TPST1: variants seen among roughly 807,000 people sequenced by gnomAD.
TPST1 encodes the protein tyrosylprotein sulfotransferase 1, also known as protein-tyrosine sulfotransferase 1.
Under a neutral mutation model 34.8 loss-of-function variants are expected in TPST1, and 20 were observed. The observed-to-expected ratio is 0.57, with a 90% CI of 0.40 to 0.84. TPST1 has a LOEUF of 0.84. Among genes scored for constraint, TPST1 ranks in the 40% least tolerant of loss-of-function variants. The pLI, the probability that TPST1 is intolerant of heterozygous loss-of-function variation, is 0.00. For missense variants in TPST1, 353 were observed against 455.5 expected, an observed-to-expected ratio of 0.78 and a Z score of 2.05; for synonymous variants, 152 against 159.4, an observed-to-expected ratio of 0.95 and a Z score of 0.35.
chr7:66,240,661 G>A lies in TPST1; in HGVS notation c.236G>A (p.Arg79Gln), dbSNP rs1790012031. 3 of 1,614,140 alleles carry A rather than the reference G, an allele frequency of 1.9e-6. No individual in the cohort carries two copies. Among genetic ancestry groups the A allele is most frequent in the Non-Finnish European group, 8.5e-7 (1 of 1,180,042 alleles). Residue 79 changes from arginine (R) to glutamine (Q), a missense_variant, in exon 2 of 6, where the codon CGG becomes CAG. Coordinates refer to ENST00000304842, the MANE Select transcript of TPST1 (RefSeq NM_003596.4). ...TTAATATTTATTGGAGGTGTGCCTC[G>A]GAGTGGAACCACACTCATGAGGGCC... ...MPLIFIGGVPRSGTTLMRAML... is the reference protein window; with the variant it reads ...MPLIFIGGVPQSGTTLMRAML...
intron 3 of TPST1, among the ~76,000 whole-genome samples, chr7:66,317,823 AT>A (rs996753462): frequency 3.9e-5 from 6 of 152,034 alleles, no homozygotes; most frequent in African/African-American, 1.5e-4. Flanking sequence ...TCTTACTATT[AT>A]TTTAGACATT....
chr7:66,276,673 T>C (rs1790824404), intron 2 of TPST1, among the ~76,000 whole-genome samples: 1 of 152,128 alleles, frequency 6.6e-6, no homozygotes, highest in South Asian at 2.1e-4. Context: ...AGTTTATTTT[T>C]GTAATGATTT....
chr7:66,248,795 G>A (rs1790205313), intron 2 of TPST1, among the ~76,000 whole-genome samples: 1 of 152,182 alleles, frequency 6.6e-6, no homozygotes, highest in Non-Finnish European at 1.5e-5. Flanking sequence ...TTATAGGCGT[G>A]AGCCACCGTG....
chr7:66,250,365 CTTG>C (rs1407440433), intron 2 of TPST1, among the ~76,000 whole-genome samples: 7 of 152,186 alleles, frequency 4.6e-5, no homozygotes, highest in Non-Finnish European at 1.0e-4. Flanking sequence ...ACTTTTAGCT[CTTG>C]TTGTATATAC....
chr7:66,219,098 A>T (rs994114034), intron 1 of TPST1, among the ~76,000 whole-genome samples: 6 of 126,896 alleles, frequency 4.7e-5, no homozygotes, highest in Non-Finnish European at 9.6e-5. Context: ...GGGTTTTGCC[A>T]TGTTGGCCAT....
At chr7:66,345,771 A>G (rs1391455806) in intron 3 of TPST1, among the ~76,000 whole-genome samples, 2 of 152,132 alleles carry the variant, frequency 1.3e-5, no homozygotes, top group Non-Finnish European at 2.9e-5. Context: ...TGTAATAATC[A>G]CATCAGGATG....
At chr7:66,325,811 T>C (rs1231355702) in intron 3 of TPST1, among the ~76,000 whole-genome samples, 1 of 151,386 alleles carries the variant, frequency 6.6e-6, no homozygotes, top group East Asian at 2.0e-4. Context: ...AATTTTTGTA[T>C]TTTTAGTAGA....
At chr7:66,312,024 T>C (rs1791541764) in intron 3 of TPST1, among the ~76,000 whole-genome samples, 1 of 152,254 alleles carries the variant, frequency 6.6e-6, no homozygotes, top group Non-Finnish European at 1.5e-5. Context: ...AAAGTAGGTT[T>C]TCCTATACTT....
At chr7:66,239,399 T>G (rs528641978) in intron 1 of TPST1, among the ~76,000 whole-genome samples, 62 of 152,370 alleles carry the variant, frequency 4.1e-4, no homozygotes, top group Non-Finnish European at 7.1e-4. Context: ...CACATTTTAT[T>G]GTTATTGTTT....
intron 3 of TPST1, among the ~76,000 whole-genome samples, chr7:66,334,164 AAC>A (rs1792047482): frequency 6.6e-6 from 1 of 152,158 alleles, no homozygotes; most frequent in South Asian, 2.1e-4. Context: ...TCTGTGTAGG[AAC>A]AGTTAGACTT....
At chr7:66,207,525 G>A (rs550616540) in intron 1 of TPST1, among the ~76,000 whole-genome samples, 49 of 152,270 alleles carry the variant, frequency 3.2e-4, no homozygotes, top group Admixed American at 1.8e-3. Flanking sequence ...CCACCATTCA[G>A]ACCAAAACAA....
intron 2 of TPST1, among the ~76,000 whole-genome samples, chr7:66,261,294 A>T: frequency 7.5e-6 from 1 of 133,408 alleles, no homozygotes; most frequent in Non-Finnish European, 1.6e-5. Context: ...ATTTATAGAT[A>T]TTTCAATATG....
At chr7:66,206,322 C>T (rs1024520815) in intron 1 of TPST1, among the ~76,000 whole-genome samples, 23 of 152,010 alleles carry the variant, frequency 1.5e-4, no homozygotes, top group Non-Finnish European at 3.2e-4. Context: ...ATGTAAAGTC[C>T]CTTGCCCAGA....
At chr7:66,211,177 C>T (rs537021604) in intron 1 of TPST1, among the ~76,000 whole-genome samples, 1 of 151,738 alleles carries the variant, frequency 6.6e-6, no homozygotes, top group African/African-American at 2.4e-5. Flanking sequence ...TCTTGTTGCC[C>T]AGGCTGGAGT....
chr7:66,356,577 G>A (rs2116407426), intron 4 of TPST1, among the ~76,000 whole-genome samples: 1 of 152,306 alleles, frequency 6.6e-6, no homozygotes, highest in Non-Finnish European at 1.5e-5. Flanking sequence ...AAATCCAGAT[G>A]TGATCCAAGG....
intron 1 of TPST1, among the ~76,000 whole-genome samples, chr7:66,233,331 TTTTAGCTTATACA>T (rs947558920): frequency 8.5e-5 from 13 of 152,160 alleles, no homozygotes; most frequent in African/African-American, 3.1e-4. Context: ...AGTTTTATGG[TTTTAGCTTATACA>T]TTTAGGTCTG....
chr7:66,242,214 T>G (rs1407805220), intron 2 of TPST1, among the ~76,000 whole-genome samples: 1 of 151,850 alleles, frequency 6.6e-6, no homozygotes, highest in Non-Finnish European at 1.5e-5. Context: ...ATTTTATTTT[T>G]GTTTTTTTTC....
At chr7:66,281,602 T>C (rs369167603) in intron 2 of TPST1, among the ~76,000 whole-genome samples, 33 of 152,348 alleles carry the variant, frequency 2.2e-4, no homozygotes, top group East Asian at 1.3e-3. Flanking sequence ...CCTGAGCATT[T>C]TCTAATAGTG....
chr7:66,306,221 C>T lies in TPST1; in HGVS notation c.1044+19512C>T, dbSNP rs1027072701. 4.6e-5 allele frequency among the ~76,000 whole-genome samples: 7 copies of T among 152,252 alleles called. No homozygotes were observed. The East Asian group carries it at 1.2e-3, about 25-fold the overall frequency. ...TTCCTTTATAATACTCTTGTGAATG[C>T]ATTTACTTTTGTTTTAGCAGGCAAT... On this transcript the variant is annotated intron_variant, in intron 3 of 5. Transcript: ENST00000304842.
Sources: allele counts gnomAD v4.1 joint callset (sites outside exome capture counted in the v4.1 genomes callset), GRCh38; gene constraint gnomAD v4.1.1; transcripts MANE v1.5; gene names NCBI Gene and HGNC (gene_info 2026-07-23, HGNC 2026-07-21).